Variants in PPM1L observed in about 807,000 individuals in gnomAD.
PPM1L encodes protein phosphatase 1L.
A neutral mutation model predicts 31.4 loss-of-function variants in PPM1L; 13 were observed. That is an observed-to-expected ratio of 0.41 (90% confidence interval 0.27 to 0.66). The LOEUF is 0.66. Ranked by LOEUF, PPM1L falls within the 30% of genes least tolerant of loss-of-function variation. The pLI, the probability that PPM1L is intolerant of heterozygous loss-of-function variation, is 0.29. For synonymous variants in PPM1L, 184 were observed against 175.4 expected (o/e 1.05, Z -0.39); for missense variants, 326 against 453.7 (o/e 0.72, Z 2.56).
intron 1 of PPM1L, among the ~76,000 whole-genome samples, chr3:160,914,559 G>A (rs1397228552): frequency 3.3e-5 from 5 of 150,840 alleles, no homozygotes; most frequent in South Asian, 2.1e-4. Flanking sequence ...CTGTCCTTGC[G>A]ATAGTTTGCT....
rs1446545432 is a variant in PPM1L, at chr3:161,077,904, C to CATT, written c.*8748_*8750dup. Reference sequence around the variant, plus strand: ...TTTCTAAATTATTTGCTTGCCTGCTCATTTCCCCTAAACATCTCTGTTTAT... The same window carrying CATT: ...TTTCTAAATTATTTGCTTGCCTGCTCATTATTTCCCCTAAACATCTCTGTTTAT... On this transcript the variant is annotated 3_prime_UTR_variant, in exon 4 of 4. Transcript: ENST00000498165. The CATT allele has an allele frequency of 1.3e-5, 2 of 152,174 alleles. No individual in the cohort carries two copies. The highest frequency in any genetic ancestry group is 4.8e-5 in the African/African-American group (2 of 41,440). 9.4% of individuals were successfully genotyped at this position (152,174 alleles called of 1,614,324 possible).
At chr3:160,938,195 A>G (rs753478547) in intron 1 of PPM1L, among the ~76,000 whole-genome samples, 4 of 152,200 alleles carry the variant, frequency 2.6e-5, no homozygotes, top group Non-Finnish European at 5.9e-5. Flanking sequence ...ATTGTCCCTA[A>G]TGTGACAGCA....
At chr3:160,816,297 C>A (rs563589378) in intron 1 of PPM1L, among the ~76,000 whole-genome samples, 1 of 148,386 alleles carries the variant, frequency 6.7e-6, no homozygotes, top group East Asian at 2.0e-4. Context: ...GTGTGTGAAA[C>A]CCATAGATCT....
intron 1 of PPM1L, among the ~76,000 whole-genome samples, chr3:160,955,213 G>A (rs1208634240): frequency 1.3e-5 from 2 of 151,968 alleles, no homozygotes; most frequent in Non-Finnish European, 2.9e-5. Flanking sequence ...GTTTCACCAT[G>A]TTGGCCAGGA....
chr3:160,935,364 G>A (rs894268243), intron 1 of PPM1L, among the ~76,000 whole-genome samples: 3 of 152,170 alleles, frequency 2.0e-5, no homozygotes, highest in Admixed American at 2.0e-4. Flanking sequence ...ACAACAGTCA[G>A]GGTAACCTTT....
intron 1 of PPM1L, among the ~76,000 whole-genome samples, chr3:160,934,960 AG>A (rs1436674825): frequency 6.6e-6 from 1 of 152,202 alleles, no homozygotes; most frequent in African/African-American, 2.4e-5. Flanking sequence ...CAAAAAAAAA[AG>A]ATCACATCAT....
intron 2 of PPM1L, among the ~76,000 whole-genome samples, chr3:160,968,131 G>A (rs1355414758): frequency 6.6e-6 from 1 of 150,606 alleles, no homozygotes; most frequent in African/African-American, 2.4e-5. Context: ...GGGATGGGGA[G>A]TGAGACTGTA....
At chr3:160,896,779 A>G (rs16831581) in intron 1 of PPM1L, among the ~76,000 whole-genome samples, 11,532 of 152,264 alleles carry the variant, frequency 0.076, 541 homozygotes, top group African/African-American at 0.12. Flanking sequence ...TGACAGAATC[A>G]TAACTCAAGT....
chr3:160,769,821 C>T (rs1005325215), intron 1 of PPM1L, among the ~76,000 whole-genome samples: 9 of 151,868 alleles, frequency 5.9e-5, no homozygotes, highest in African/African-American at 1.5e-4. Context: ...TTAAAATATT[C>T]GAATCTACTC....
rs895210007 is a variant in PPM1L at position 160,924,036 on chromosome 3, A to C, written c.400-37700A>C. 4.7e-4 allele frequency among the ~76,000 whole-genome samples: 72 copies of C among 152,238 alleles called. 4 individuals are homozygous for C. The highest frequency in any genetic ancestry group is 1.2e-4 in the Non-Finnish European group (8 of 68,044). ...TTAGCAAAAACAAACAACAAACAAA[A>C]ACAGTACAACAAATGTCCTGTTAAA... On this transcript the variant is annotated intron_variant, in intron 1 of 3. Coordinates refer to ENST00000498165, the MANE Select transcript of PPM1L (RefSeq NM_139245.4).
At chr3:160,795,484 A>C (rs958573890) in intron 1 of PPM1L, among the ~76,000 whole-genome samples, 2 of 152,088 alleles carry the variant, frequency 1.3e-5, no homozygotes, top group Non-Finnish European at 2.9e-5. Flanking sequence ...CTGGGTGAGA[A>C]CCGCTGCCCT....
At chr3:160,977,789 T>C (rs1424782683) in intron 2 of PPM1L, among the ~76,000 whole-genome samples, 1 of 152,194 alleles carries the variant, frequency 6.6e-6, no homozygotes, top group Non-Finnish European at 1.5e-5. Flanking sequence ...CAATTTCTCC[T>C]AAGCTTTCTG....
chr3:161,011,645 A>G (rs1157925058), intron 2 of PPM1L, among the ~76,000 whole-genome samples: 1 of 152,064 alleles, frequency 6.6e-6, no homozygotes, highest in African/African-American at 2.4e-5. Flanking sequence ...CTTCCTATCC[A>G]TGAGCATGGA....
chr3:161,009,643 G>A (rs1346108423), intron 2 of PPM1L, among the ~76,000 whole-genome samples: 1 of 152,086 alleles, frequency 6.6e-6, no homozygotes, highest in African/African-American at 2.4e-5. Context: ...CTCCCCTGCC[G>A]CTGGCTACAA....
chr3:161,050,876 T>C (rs1358176987), intron 2 of PPM1L, among the ~76,000 whole-genome samples: 1 of 152,244 alleles, frequency 6.6e-6, no homozygotes, highest in Non-Finnish European at 1.5e-5. Flanking sequence ...AATCCAAGAA[T>C]TGGCATTATT....
In PPM1L at chr3:161,078,300, G is replaced by C. The variant is rs539519741; in HGVS notation, c.*9143G>C. 16 of 152,290 alleles carry C rather than the reference G, an allele frequency of 1.1e-4. No individual in the cohort carries two copies. Among genetic ancestry groups the C allele is most frequent in the African/African-American group, 3.6e-4 (15 of 41,578 alleles). The allele number at this position is 152,290 out of a possible 1,614,324, so 9.4% of individuals were successfully genotyped here. A position where few individuals can be genotyped will look rare whatever the true frequency, so the allele number is the denominator to read the frequency against. The stretch of plus-strand genomic sequence containing the variant: ...TCTTCTCTCTTATCCTGCTGATGTT[G>C]AGACAGTGGCTTTGTATAAGCTTTT... On this transcript the variant is annotated 3_prime_UTR_variant, in exon 4 of 4. Transcript: ENST00000498165.
At chr3:161,026,573 G>A (rs995642461) in intron 2 of PPM1L, among the ~76,000 whole-genome samples, 28 of 151,940 alleles carry the variant, frequency 1.8e-4, no homozygotes, top group African/African-American at 6.5e-4. Flanking sequence ...GTGGGCGCCT[G>A]TAATCCCAGC....
intron 1 of PPM1L, among the ~76,000 whole-genome samples, chr3:160,814,639 A>G (rs13088535): frequency 6.7e-6 from 1 of 150,126 alleles, no homozygotes; most frequent in Admixed American, 6.7e-5. Flanking sequence ...ATGTATGTGT[A>G]TATATATGTA....
In PPM1L at chr3:160,756,716, T is replaced by A. The variant is rs1293331656; in HGVS notation, c.399+9T>A. 6.2e-7 allele frequency: 1 copy of A among 1,609,508 alleles called. No homozygotes were observed. The highest frequency in any genetic ancestry group is 2.2e-5 in the East Asian group (1 of 44,762). ...ACGGGCACGGGGGAGAGGTAGGAGC[T>A]ACCCCGGGGCTTTGTATTTGTGTCC... On this transcript the variant is annotated intron_variant, in intron 1 of 3. Coordinates refer to ENST00000498165, the MANE Select transcript of PPM1L (RefSeq NM_139245.4). This position sits in a 1 kb window ranked among gnomAD's most constrained non-coding sequence, Gnocchi z 6.2.
Sources: allele counts gnomAD v4.1 joint callset (sites outside exome capture counted in the v4.1 genomes callset), GRCh38; gene constraint gnomAD v4.1.1; non-coding constraint Gnocchi (gnomAD v3.1); transcripts MANE v1.5; gene names NCBI Gene and HGNC (gene_info 2026-07-23, HGNC 2026-07-21).